ACSS3: variants seen among roughly 807,000 people sequenced by gnomAD.
The protein encoded by ACSS3 is acyl-CoA synthetase short-chain family member 3, mitochondrial.
A neutral mutation model predicts 84.2 loss-of-function variants in ACSS3; 64 were observed. The ratio of observed to expected loss-of-function variants is 0.76; its 90% CI spans 0.62 to 0.94. ACSS3 has a LOEUF of 0.94. Ranked by LOEUF, ACSS3 falls within the 40% of genes least tolerant of loss-of-function variation. The pLI is 0.00. For synonymous variants in ACSS3, 317 were observed against 310.1 expected (o/e 1.02, Z -0.23); for missense variants, 815 against 867.6 (o/e 0.94, Z 0.76).
chr12:81,226,683 C>T (rs921789890), intron 11 of ACSS3, among the ~76,000 whole-genome samples: 1 of 151,872 alleles, frequency 6.6e-6, no homozygotes, highest in Admixed American at 6.6e-5. Flanking sequence ...CACTATTGAT[C>T]TAGAATAGAA....
At chr12:81,211,028 G>A (rs2032569585) in intron 9 of ACSS3, among the ~76,000 whole-genome samples, 1 of 151,884 alleles carries the variant, frequency 6.6e-6, no homozygotes, top group Non-Finnish European at 1.5e-5. Flanking sequence ...CCAGGCTGGA[G>A]TGCAGTGGTG....
At chr12:81,244,330 G>C (rs756206327) in intron 13 of ACSS3, among the ~76,000 whole-genome samples, 1 of 151,488 alleles carries the variant, frequency 6.6e-6, no homozygotes, top group Non-Finnish European at 1.5e-5. Flanking sequence ...AGTATGATAT[G>C]CCTACATGTA....
At chr12:81,216,343 T>C (rs1268526602) in intron 9 of ACSS3, among the ~76,000 whole-genome samples, 1 of 151,950 alleles carries the variant, frequency 6.6e-6, no homozygotes, top group Non-Finnish European at 1.5e-5. Flanking sequence ...GAGATATACC[T>C]AATGCTAAAT....
chr12:81,225,612 G>A (rs138466079), intron 11 of ACSS3, among the ~76,000 whole-genome samples: 57 of 152,010 alleles, frequency 3.7e-4, no homozygotes, highest in African/African-American at 1.2e-3. Context: ...CACTTGAATC[G>A]TTGCATTTGA....
In ACSS3 at chr12:81,212,509, TCTC is replaced by T. The variant is rs199583496; in HGVS notation, c.1355-4389_1355-4387del. Among the ~76,000 whole-genome samples, 1,397 of 152,304 alleles carry T rather than the reference TCTC, an allele frequency of 9.2e-3. 26 individuals carry two copies. Among genetic ancestry groups the T allele is most frequent in the African/African-American group, 0.032 (1,336 of 41,562 alleles). On this transcript the variant is annotated intron_variant, in intron 9 of 15. Transcript: ENST00000548058. ...AAGTGGTACTTGTCTATTCCATTCT[TCTC>T]CTTCTTTGAAAGAACTATGAAAACT...
intron 7 of ACSS3, among the ~76,000 whole-genome samples, chr12:81,157,975 C>T (rs1192785376): frequency 6.8e-6 from 1 of 146,308 alleles, no homozygotes; most frequent in African/African-American, 2.6e-5. Flanking sequence ...CACACAAATC[C>T]CATAACTAAT....
intron 9 of ACSS3, among the ~76,000 whole-genome samples, chr12:81,209,084 T>A (rs578154502): frequency 6.6e-6 from 1 of 152,300 alleles, no homozygotes; most frequent in East Asian, 1.9e-4. Context: ...ATTTTGGGAT[T>A]ACATTCTGTG....
At chr12:81,104,212 T>C (rs1882772071) in intron 1 of ACSS3, among the ~76,000 whole-genome samples, 1 of 152,154 alleles carries the variant, frequency 6.6e-6, no homozygotes, top group African/African-American at 2.4e-5. Context: ...CTTTTTTTCT[T>C]TCTTTTTGTA....
chr12:81,141,545 T>C (rs1157008885), intron 4 of ACSS3, among the ~76,000 whole-genome samples: 4 of 152,192 alleles, frequency 2.6e-5, no homozygotes, highest in Non-Finnish European at 5.9e-5. Context: ...AATGCATATA[T>C]GTGAAAGTGT....
At position 81,222,611 on chromosome 12, in the gene ACSS3, T is replaced by G. The variant is rs2033147210; in HGVS notation, c.1514+2535T>G. On this transcript the variant is annotated intron_variant, in intron 11 of 15. Coordinates refer to ENST00000548058, the MANE Select transcript of ACSS3 (RefSeq NM_024560.4). ...TAAGACTCATTTGTGTAGGTTCATA[T>G]TTAGAAATAGTAATATGTGGAAACA... 3.9e-5 allele frequency among the ~76,000 whole-genome samples: 6 copies of G among 152,212 alleles called. No individual in the cohort carries two copies. The South Asian group carries it at 1.2e-3, about 32-fold the overall frequency.
Position 81,252,874 on chromosome 12 carries a change from G to C in ACSS3, c.1720-433G>C, listed in dbSNP as rs564800184. On this transcript the variant is annotated intron_variant, in intron 13 of 15. Transcript: ENST00000548058. The stretch of plus-strand genomic sequence containing the variant: ...GAAATAAAGTTATTATTTAGCCATA[G>C]GGCAGCCTCGGATTCCTCTGGAAGG... Among the ~76,000 whole-genome samples, 3 of 152,256 alleles carry C rather than the reference G, an allele frequency of 2.0e-5. No individual in the cohort carries two copies. In the East Asian group the frequency reaches 5.8e-4, roughly 29 times the overall value.
At chr12:81,097,908 T>C (rs1182827268) in intron 1 of ACSS3, among the ~76,000 whole-genome samples, 3 of 152,102 alleles carry the variant, frequency 2.0e-5, no homozygotes, top group African/African-American at 4.8e-5. Flanking sequence ...GATTATTGGA[T>C]GTAGTAGGTC....
At chr12:81,215,014 C>T (rs1056237843) in intron 9 of ACSS3, among the ~76,000 whole-genome samples, 1 of 152,172 alleles carries the variant, frequency 6.6e-6, no homozygotes, top group Non-Finnish European at 1.5e-5. Context: ...CCTCACTCTA[C>T]AAGACTGCTT....
At chr12:81,245,969 GGA>G (rs1360144342) in intron 13 of ACSS3, among the ~76,000 whole-genome samples, 3 of 152,080 alleles carry the variant, frequency 2.0e-5, no homozygotes, top group Non-Finnish European at 4.4e-5. Flanking sequence ...ACAGTTACCA[GGA>G]TTATTCCTGC....
chr12:81,130,500 T>A (rs184387720), intron 2 of ACSS3, among the ~76,000 whole-genome samples: 4 of 152,228 alleles, frequency 2.6e-5, no homozygotes, highest in African/African-American at 9.6e-5. Context: ...TAAATTTGTT[T>A]AAGTTCTTTG....
At position 81,098,290 on chromosome 12, in the gene ACSS3, G is replaced by A. The variant is rs936402406; in HGVS notation, c.312-11270G>A. Among the ~76,000 whole-genome samples, 5 of 151,808 alleles carry A rather than the reference G, an allele frequency of 3.3e-5. No individual in the cohort carries two copies. The South Asian group carries it at 8.3e-4, about 25-fold the overall frequency. On this transcript the variant is annotated intron_variant, in intron 1 of 15. Transcript: ENST00000548058. ...CCCACAACCCTGAGCTGAATAATTG[G>A]GTAAATAATGCTCTTAGTGGTTGTT... is the stretch of plus-strand genomic sequence containing the variant.
In ACSS3 at chr12:81,260,898, G is replaced by A. The variant is rs2136078354; in HGVS notation, c.*5976G>A. 1 of 151,912 alleles carries A rather than the reference G, an allele frequency of 6.6e-6. No individual in the cohort carries two copies. The highest frequency in any genetic ancestry group is 2.1e-4 in the South Asian group (1 of 4,804). The allele number at this position is 151,912 out of a possible 1,614,324, so 9.4% of individuals were successfully genotyped here. On this transcript the variant is annotated 3_prime_UTR_variant, in exon 16 of 16. Transcript: ENST00000548058. The stretch of plus-strand genomic sequence containing the variant: ...TTTTGGTAAAGCATAGTTTTAGGTT[G>A]AAAAAAAATTATGAACATTTGACAT...
chr12:81,140,010 G>A (rs1458735619), intron 4 of ACSS3, among the ~76,000 whole-genome samples: 1 of 152,096 alleles, frequency 6.6e-6, no homozygotes, highest in Non-Finnish European at 1.5e-5. Context: ...GAAGACTCCA[G>A]TGAACATGGA....
intron 2 of ACSS3, among the ~76,000 whole-genome samples, chr12:81,129,007 G>T (rs555355397): frequency 1.3e-5 from 2 of 152,258 alleles, no homozygotes; most frequent in South Asian, 4.1e-4. Flanking sequence ...TACTGGAAAA[G>T]AAAATCGTAC....
Sources: allele counts gnomAD v4.1 joint callset (sites outside exome capture counted in the v4.1 genomes callset), GRCh38; gene constraint gnomAD v4.1.1; transcripts MANE v1.5; gene names NCBI Gene and HGNC (gene_info 2026-07-23, HGNC 2026-07-21).